BAZ2B: variants seen among roughly 807,000 people sequenced by gnomAD.
BAZ2B encodes bromodomain adjacent to zinc finger domain 2B, also known as bromodomain adjacent to zinc finger domain protein 2B.
BAZ2B carries 91 observed loss-of-function variants against 246.0 expected under a neutral mutation model. That is an observed-to-expected ratio of 0.37 (90% CI 0.31 to 0.44). The LOEUF (loss-of-function observed/expected upper bound fraction) is 0.44. Ranked by LOEUF, BAZ2B falls within the 20% of genes least tolerant of loss-of-function variation. The pLI is 1.00. For missense variants in BAZ2B, 2,332 were observed against 2,533.7 expected, an observed-to-expected ratio of 0.92 and a Z score of 1.71; for synonymous variants, 855 against 860.0, an observed-to-expected ratio of 0.99 and a Z score of 0.10.
At chr2:159,656,940 T>G in the BAZ2B span, among the ~76,000 whole-genome samples, 1 of 152,150 alleles carries the variant, frequency 6.6e-6, no homozygotes, top group Non-Finnish European at 1.5e-5. Flanking sequence ...TGTGGCTTGT[T>G]TTTTCATTCT....
At chr2:159,497,718 A>G (rs1450602966) in intron 2 of BAZ2B, among the ~76,000 whole-genome samples, 1 of 152,114 alleles carries the variant, frequency 6.6e-6, no homozygotes, top group Non-Finnish European at 1.5e-5. Context: ...TGGAAGAGTA[A>G]ATGTACAGAG....
intron 9 of BAZ2B, 100 bp downstream of exon 9, chr2:159,432,657 G>C: frequency 1.4e-6 from 2 of 1,447,868 alleles, no homozygotes; most frequent in Non-Finnish European, 1.8e-6. Context: ...GTGAAACATA[G>C]TAAATGACGC....
At chr2:159,668,071 G>T in the BAZ2B span, among the ~76,000 whole-genome samples, 2 of 152,006 alleles carry the variant, frequency 1.3e-5, no homozygotes, top group Non-Finnish European at 2.9e-5. Context: ...TCAGTGTTTT[G>T]TAGTTTAACG....
chr2:159,621,742 C>T, the BAZ2B span, among the ~76,000 whole-genome samples: 9 of 152,070 alleles, frequency 5.9e-5, 1 homozygote, highest in Admixed American at 5.2e-4. Context: ...GAGGCCAAGG[C>T]GGGAGGACTG....
At chr2:159,670,951 G>C in the BAZ2B span, 2 of 152,196 alleles carry the variant, frequency 1.3e-5, no homozygotes, top group Non-Finnish European at 2.9e-5. Context: ...ATGTTATACT[G>C]TCTTCTGGCC....
intron 27 of BAZ2B, among the ~76,000 whole-genome samples, chr2:159,367,070 G>A (rs1320332952): frequency 1.3e-5 from 2 of 152,174 alleles, no homozygotes; most frequent in Non-Finnish European, 2.9e-5. Flanking sequence ...TGTTCTCAAA[G>A]TCCTTGGTTT....
rs113293804 is a variant in BAZ2B, at chr2:159,345,263, C to T, written c.5454+2223G>A. On this transcript the variant is annotated intron_variant, in intron 31 of 36. Transcript: ENST00000392783. Reference sequence around the variant, plus strand: ...TTGGTAGGTAGGAGAAATAAGTTCTCGTGCTCTATACCACTGTACGATGAC... The same window carrying T: ...TTGGTAGGTAGGAGAAATAAGTTCTTGTGCTCTATACCACTGTACGATGAC... Among the ~76,000 whole-genome samples, 1,074 of 151,536 alleles carry T rather than the reference C, an allele frequency of 7.1e-3. 10 individuals are homozygous for T. The highest frequency in any genetic ancestry group is 0.024 in the African/African-American group (1,007 of 41,310).
intron 27 of BAZ2B, among the ~76,000 whole-genome samples, chr2:159,365,796 G>A (rs1396261267): frequency 1.3e-5 from 2 of 152,176 alleles, no homozygotes; most frequent in African/African-American, 2.4e-5. Flanking sequence ...CACATAGGTT[G>A]TCCTTAAAGA....
chr2:159,703,727 T>C, the BAZ2B span, among the ~76,000 whole-genome samples: 6 of 151,752 alleles, frequency 4.0e-5, no homozygotes, highest in African/African-American at 1.5e-4. Flanking sequence ...CTATAGAAAA[T>C]ACAAAAGTCA....
rs184072648 is a variant in BAZ2B, at chr2:159,433,158, C to G, written c.1499G>C (p.Ser500Thr). ...TGCTAGAGGAGCTTCTTGAATGACA[C>G]TTTGAATAACTCCATTTGGTTGGTG... ...GNHQPNGVIQSVIQEAPLALT... is the reference protein window; with the variant it reads ...GNHQPNGVIQTVIQEAPLALT... The change falls in exon 9 of 37, where the codon AGT becomes ACT. Residue 500 changes from serine to threonine, a missense_variant. Physicochemically the swap from Ser to Thr is moderately conservative, Grantham distance 58 (BLOSUM62 1). This residue lies in a region of BAZ2B where 651 missense variants were observed against 650.9 expected (regional missense o/e 1.00). Coordinates refer to ENST00000392783, the MANE Select transcript of BAZ2B (RefSeq NM_013450.4). The G allele has an allele frequency of 1.6e-4, 266 of 1,614,150 alleles. 1 individual carries two copies. In the East Asian group the frequency reaches 4.9e-3, roughly 30 times the overall value.
At chr2:159,681,931 A>C in the BAZ2B span, among the ~76,000 whole-genome samples, 1 of 117,948 alleles carries the variant, frequency 8.5e-6, no homozygotes, top group Non-Finnish European at 2.0e-5. Context: ...AAAAATAAAA[A>C]ATAAATTTAA....
chr2:159,556,261 TG>T (rs1210523977), intron 1 of BAZ2B, among the ~76,000 whole-genome samples: 5 of 152,250 alleles, frequency 3.3e-5, no homozygotes, highest in African/African-American at 1.2e-4. Context: ...AATACTTTTC[TG>T]TCTATGATTA....
At chr2:159,485,743 G>A (rs2079748867) in intron 2 of BAZ2B, among the ~76,000 whole-genome samples, 1 of 151,980 alleles carries the variant, frequency 6.6e-6, no homozygotes, top group Non-Finnish European at 1.5e-5. Context: ...AATTAATACT[G>A]CATTGAAATA....
At chr2:159,618,854 G>A (rs773781145), upstream of BAZ2B, among the ~76,000 whole-genome samples, 1 of 151,986 alleles carries the variant, frequency 6.6e-6, no homozygotes. Context: ...ACTGTAACTC[G>A]AATAATTAAG....
intron 2 of BAZ2B, among the ~76,000 whole-genome samples, chr2:159,503,282 C>T (rs2082020232): frequency 6.6e-6 from 1 of 152,162 alleles, no homozygotes; most frequent in Non-Finnish European, 1.5e-5. Context: ...TCTACTCATA[C>T]ATTAGGTGAC....
intron 2 of BAZ2B, among the ~76,000 whole-genome samples, chr2:159,543,214 C>G (rs2086871287): frequency 6.6e-6 from 1 of 152,038 alleles, no homozygotes; most frequent in East Asian, 1.9e-4. Context: ...CCTTGAATTT[C>G]CCATATTTCT....
At chr2:159,537,917 T>C (rs1404913172) in intron 2 of BAZ2B, among the ~76,000 whole-genome samples, 1 of 152,242 alleles carries the variant, frequency 6.6e-6, no homozygotes, top group African/African-American at 2.4e-5. Flanking sequence ...CTCAGTCTCA[T>C]GAAATCCTTT....
chr2:159,574,095 AC>A (rs1424718436), intron 1 of BAZ2B, among the ~76,000 whole-genome samples: 1 of 151,018 alleles, frequency 6.6e-6, no homozygotes, highest in Non-Finnish European at 1.5e-5. Flanking sequence ...TGAGACCCAG[AC>A]CCTGACAGAT....
chr2:159,503,893 C>T (rs1291677768), intron 2 of BAZ2B, among the ~76,000 whole-genome samples: 1 of 152,108 alleles, frequency 6.6e-6, no homozygotes, highest in Non-Finnish European at 1.5e-5. Flanking sequence ...TATCTGGCTT[C>T]TTCTGGCAAA....
Sources: gnomAD v4.1 joint callset for allele counts (sites outside exome capture counted in the v4.1 genomes callset) on GRCh38, gnomAD v4.1.1 for gene constraint, gnomAD v4.1.1 regional missense constraint, MANE v1.5 for transcripts, NCBI Gene and HGNC (gene_info 2026-07-23, HGNC 2026-07-21) for gene names.